Variants in KIR3DL3 observed in about 807,000 individuals in gnomAD.
The protein encoded by KIR3DL3 is killer cell immunoglobulin like receptor, three Ig domains and long cytoplasmic tail 3, also known as killer cell immunoglobulin-like receptor 3DL3.
Under a neutral mutation model 34.9 loss-of-function variants are expected in KIR3DL3, and 27 were observed. The observed-to-expected ratio is 0.77, with a 90% CI of 0.57 to 1.07. The LOEUF (loss-of-function observed/expected upper bound fraction) is 1.07. KIR3DL3 is among the 50% of genes least tolerant of loss of function. The pLI is 0.00. For synonymous variants in KIR3DL3, 217 were observed against 200.2 expected, an observed-to-expected ratio of 1.08 and a Z score of -0.71; for missense variants, 681 against 528.5, an observed-to-expected ratio of 1.29 and a Z score of -2.83.
intron 3 of KIR3DL3, among the ~76,000 whole-genome samples, chr19:54,726,991 A>G (rs1324766345): frequency 2.5e-5 from 3 of 120,126 alleles, no homozygotes; most frequent in Admixed American, 9.8e-5. Flanking sequence ...ACCCAGGTGA[A>G]GCACAGGTTA....
intron 5 of KIR3DL3, among the ~76,000 whole-genome samples, chr19:54,733,311 C>T (rs1600218445): frequency 6.6e-6 from 1 of 152,004 alleles, no homozygotes; most frequent in African/African-American, 2.4e-5. Context: ...GCGGGTAGAT[C>T]ACTTAAGGGT....
rs762886167 is a variant in KIR3DL3 at position 54,727,890 on chromosome 19, C to T, written c.635C>T (p.Pro212Leu). Residue 212 changes from proline to leucine, a missense_variant, in exon 4 of 8, where the codon CCT becomes CTT. Physicochemically the swap from Pro to Leu is moderately conservative, Grantham distance 98. Transcript: ENST00000291860. ...LPYELSAPSDPLDIVVVGLYG... is the reference protein window; with the variant it reads ...LPYELSAPSDLLDIVVVGLYG... The stretch of plus-strand genomic sequence containing the variant: ...TATGAGTTGTCGGCTCCCAGTGACC[C>T]TCTGGACATCGTGGTCGTAGGTGAG... 1 of 1,611,774 alleles carries T rather than the reference C, an allele frequency of 6.2e-7. No individual in the cohort carries two copies. The highest frequency in any genetic ancestry group is 1.3e-5 in the African/African-American group (1 of 74,982).
At chr19:54,727,933 C>G (rs2068384484) in intron 4 of KIR3DL3, 23 bp downstream of exon 4, 3 of 1,582,530 alleles carry the variant, frequency 1.9e-6, no homozygotes, top group Non-Finnish European at 2.6e-6. Context: ...AGACCTGCCT[C>G]TCACCCTTGC....
At chr19:54,730,410 T>TAA (rs2068675026) in intron 5 of KIR3DL3, among the ~76,000 whole-genome samples, 3 of 148,554 alleles carry the variant, frequency 2.0e-5, no homozygotes, top group Admixed American at 6.8e-5. Context: ...AAAATAATAA[T>TAA]TATAATGATA....
intron 5 of KIR3DL3, among the ~76,000 whole-genome samples, chr19:54,733,524 A>G (rs1298345320): frequency 6.8e-6 from 1 of 148,148 alleles, no homozygotes; most frequent in Non-Finnish European, 1.5e-5. Flanking sequence ...CTCTGTCTCA[A>G]AAAATAAAAA....
At position 54,728,417 on chromosome 19, in the gene KIR3DL3, C is replaced by A. The variant is rs1377762444; in HGVS notation, c.655+507C>A. On this transcript the variant is annotated intron_variant, in intron 4 of 7. Coordinates refer to ENST00000291860, the MANE Select transcript of KIR3DL3 (RefSeq NM_153443.5). ...GTCATCGTCCCAGGACACCATGGCC[C>A]CAGGTGAGGGAGCAGAACACCAACC... 8.5e-4 allele frequency among the ~76,000 whole-genome samples: 126 copies of A among 147,524 alleles called. 3 individuals are homozygous for A. The highest frequency in any genetic ancestry group is 5.7e-3 in the Admixed American group (82 of 14,292).
At chr19:54,725,004 G>T (rs2067998336) in intron 1 of KIR3DL3, among the ~76,000 whole-genome samples, 1 of 147,246 alleles carries the variant, frequency 6.8e-6, no homozygotes, top group African/African-American at 2.5e-5. Context: ...TGGAGATACA[G>T]GCCTGGAGGT....
chr19:54,729,367 G>GT, intron 4 of KIR3DL3, 126 bp from the exon 5 acceptor site: 1 of 1,106,202 alleles, frequency 9.0e-7, no homozygotes, highest in Admixed American at 2.3e-5. Context: ...AGAGATGGGG[G>GT]TGGAGGGTGA....
chr19:54,728,169 C>T (rs2068409929), intron 4 of KIR3DL3, among the ~76,000 whole-genome samples: 1 of 150,596 alleles, frequency 6.6e-6, no homozygotes, highest in African/African-American at 2.4e-5. Context: ...CACAGAGAGA[C>T]AGACATATCC....
chr19:54,726,209 T>C lies in KIR3DL3; in HGVS notation c.227T>C (p.Phe76Ser). Reference protein sequence around the residue: ...MPVPELYNRIFRNSFLMGPVT... With the variant: ...MPVPELYNRISRNSFLMGPVT... ...GTCCCTGAGCTCTACAACAGAATAT[T>C]CCGGAACAGCTTTCTCATGGGCCCT... Residue 76 changes from phenylalanine to serine, a missense_variant, in exon 3 of 8, where the codon TTC becomes TCC. Phe to Ser is a radical substitution (Grantham distance 155). Coordinates refer to ENST00000291860, the MANE Select transcript of KIR3DL3 (RefSeq NM_153443.5). The C allele has an allele frequency of 6.2e-7, 1 of 1,613,542 alleles. No homozygotes were observed.
rs372486889 is a variant in KIR3DL3, at chr19:54,735,144, G to T, written c.950-109G>T. The T allele has an allele frequency of 2.3e-3, 2,017 of 882,182 alleles. 31 individuals are homozygous for T. The African/African-American group carries it at 0.03, about 13-fold the overall frequency. 54.6% of individuals were successfully genotyped at this position (882,182 alleles called of 1,614,324 possible). ...TAGGTCTCCCGCCATCTGGGTGCTT[G>T]TCCTAAAGAGACGTTGTATGTGGTT... On this transcript the variant is annotated intron_variant, in intron 5 of 7. Transcript: ENST00000291860.
At chr19:54,734,623 C>T (rs1937172494) in intron 5 of KIR3DL3, among the ~76,000 whole-genome samples, 2 of 147,586 alleles carry the variant, frequency 1.4e-5, no homozygotes, top group Non-Finnish European at 3.0e-5. Context: ...CAGGACGTTG[C>T]TGTCTTAGTC....
intron 5 of KIR3DL3, among the ~76,000 whole-genome samples, chr19:54,732,856 C>T (rs1392929512): frequency 0.021 from 3,136 of 150,826 alleles, 119 homozygotes; most frequent in African/African-American, 0.071. Flanking sequence ...GAACAAGGAG[C>T]ATGTTTTTGA....
intron 5 of KIR3DL3, among the ~76,000 whole-genome samples, chr19:54,733,481 C>T (rs1262587182): frequency 7.2e-5 from 11 of 152,188 alleles, no homozygotes; most frequent in South Asian, 4.1e-4. Context: ...GAACTGAGAT[C>T]GCATCACTGC....
At chr19:54,732,711 G>T (rs760575206) in intron 5 of KIR3DL3, among the ~76,000 whole-genome samples, 17 of 151,304 alleles carry the variant, frequency 1.1e-4, no homozygotes, top group African/African-American at 4.1e-4. Context: ...GCTCTCAGCC[G>T]TGAAGGCACA....
At chr19:54,729,014 C>T (rs1433434753) in intron 4 of KIR3DL3, among the ~76,000 whole-genome samples, 1 of 146,482 alleles carries the variant, frequency 6.8e-6, no homozygotes, top group Non-Finnish European at 1.5e-5. Context: ...CAGATAAACA[C>T]ATGATGATAG....
At position 54,728,021 on chromosome 19, in the gene KIR3DL3, A is replaced by G. The variant is rs2068395049; in HGVS notation, c.655+111A>G. ...AGATGAGTGTGGGGTTCCTATGGAG[A>G]GAAAGTGACTTGGTGAGGTCTGTAC... On this transcript the variant is annotated intron_variant, in intron 4 of 7. Transcript: ENST00000291860. 15 of 1,105,742 alleles carry G rather than the reference A, an allele frequency of 1.4e-5. No individual in the cohort carries two copies. In the South Asian group the frequency reaches 2.2e-4, roughly 17 times the overall value. The allele number at this position is 1,105,742 out of a possible 1,614,324, so 68.5% of individuals were successfully genotyped here.
At position 54,727,491 on chromosome 19, in the gene KIR3DL3, G is replaced by A. The variant is rs759945936; in HGVS notation, c.356-120G>A. 3,971 of 890,372 alleles carry A rather than the reference G, an allele frequency of 4.5e-3. 21 individuals are homozygous for A. Among genetic ancestry groups the A allele is most frequent in the South Asian group, 5.9e-3 (347 of 58,922 alleles). 55.2% of individuals were successfully genotyped at this position (890,372 alleles called of 1,614,324 possible). ...AGGGGTTATGGGCACAAAAGAACAC[G>A]GAGACACAGACAGGAAGGAGAGAGA... On this transcript the variant is annotated intron_variant, in intron 3 of 7. Coordinates refer to ENST00000291860, the MANE Select transcript of KIR3DL3 (RefSeq NM_153443.5).
At chr19:54,730,370 A>G (rs2068669823) in intron 5 of KIR3DL3, among the ~76,000 whole-genome samples, 1 of 150,016 alleles carries the variant, frequency 6.7e-6, no homozygotes, top group East Asian at 2.0e-4. Context: ...CCTGGCCAAC[A>G]TGGGGAAAAT....
Sources: allele counts gnomAD v4.1 joint callset (sites outside exome capture counted in the v4.1 genomes callset), GRCh38; gene constraint gnomAD v4.1.1; transcripts MANE v1.5; gene names NCBI Gene and HGNC (gene_info 2026-07-23, HGNC 2026-07-21).